PCLO: variants seen among roughly 807,000 people sequenced by gnomAD.
PCLO encodes piccolo presynaptic cytomatrix protein, also known as protein piccolo.
A neutral mutation model predicts 427.5 loss-of-function variants in PCLO; 82 were observed. The ratio of observed to expected loss-of-function variants is 0.19; its 90% CI spans 0.16 to 0.23. The LOEUF (loss-of-function observed/expected upper bound fraction) is 0.23, where lower values mean the gene tolerates loss of function less well. Among genes scored for constraint, PCLO ranks in the 10% least tolerant of loss-of-function variants. The pLI is 1.00. For synonymous variants in PCLO, 2,357 were observed against 2,155.4 expected (o/e 1.09, Z -2.59); for missense variants, 6,239 against 6,115.9 (o/e 1.02, Z -0.67).
At chr7:82,970,646 G>A (rs1419823031) in intron 3 of PCLO, among the ~76,000 whole-genome samples, 1 of 151,778 alleles carries the variant, frequency 6.6e-6, no homozygotes, top group African/African-American at 2.4e-5. Flanking sequence ...AAGTTATAAT[G>A]TCAATAAGAG....
At chr7:83,081,555 T>C (rs1449043141) in intron 3 of PCLO, among the ~76,000 whole-genome samples, 2 of 151,828 alleles carry the variant, frequency 1.3e-5, no homozygotes, top group East Asian at 1.9e-4. Flanking sequence ...TCTCACAAAT[T>C]ATCCAAAATT....
intron 10 of PCLO, among the ~76,000 whole-genome samples, chr7:82,856,555 GAT>G (rs1792811200): frequency 6.6e-6 from 1 of 152,080 alleles, no homozygotes; most frequent in African/African-American, 2.4e-5. Context: ...CAGAATAAGG[GAT>G]ATGAGTATAT....
At position 82,953,899 on chromosome 7, in the gene PCLO, T is replaced by C. The variant is rs1316544405; in HGVS notation, c.7054A>G (p.Met2352Val). The C allele has an allele frequency of 2.5e-6, 4 of 1,613,910 alleles. No individual in the cohort carries two copies. The highest frequency in any genetic ancestry group is 3.4e-6 in the Non-Finnish European group (4 of 1,179,822). ...TATGTAGTTGAAAGCTGCTCTTTCATTGGAAGGGCTATTACAGAAGAAGGT... is the reference window on the plus strand; with the variant it reads ...TATGTAGTTGAAAGCTGCTCTTTCACTGGAAGGGCTATTACAGAAGAAGGT... The part of the protein sequence containing the change: ...HPPSSVIALP[M>V]KEQLSTTYFT... The change falls in exon 5 of 25, where the codon ATG (methionine) becomes GTG (valine). Residue 2352 changes from methionine to valine, a missense_variant. Around this residue, in one of 5 missense-constraint regions of PCLO, gnomAD observed 4,677 missense variants for 4,468.4 expected, o/e 1.05. Coordinates refer to ENST00000333891, the MANE Select transcript of PCLO (RefSeq NM_033026.6).
rs531781580 is a variant in PCLO at position 82,883,627 on chromosome 7, C to T, written c.13529-4165G>A. Among the ~76,000 whole-genome samples the T allele has an allele frequency of 5.3e-5, 8 of 152,256 alleles. No individual in the cohort carries two copies. In the South Asian group the frequency reaches 1.7e-3, roughly 32 times the overall value. On this transcript the variant is annotated intron_variant, in intron 9 of 24. Transcript: ENST00000333891. ...CAGCAACATCAAAACAGAAACAGCA[C>T]ACTCATGCCAAGTTTAATCGAACTC...
intron 22 of PCLO, among the ~76,000 whole-genome samples, chr7:82,796,192 T>A (rs900732762): frequency 1.6e-4 from 24 of 152,170 alleles, no homozygotes; most frequent in African/African-American, 5.8e-4. Context: ...AGACACAGAT[T>A]TTTAAAAAAT....
intron 11 of PCLO, 34 bp downstream of exon 11, chr7:82,847,105 A>G (rs1387955372): frequency 7.9e-7 from 1 of 1,266,892 alleles, no homozygotes; most frequent in Non-Finnish European, 1.1e-6. Context: ...TGGATAGCCA[A>G]AAAATGGAAA....
intron 6 of PCLO, among the ~76,000 whole-genome samples, chr7:82,926,537 A>G (rs1794716368): frequency 6.6e-6 from 1 of 152,142 alleles, no homozygotes; most frequent in Admixed American, 6.5e-5. Flanking sequence ...AGTAATACAT[A>G]AAAAAATTCT....
intron 16 of PCLO, among the ~76,000 whole-genome samples, chr7:82,828,654 A>G (rs975433946): frequency 2.6e-5 from 4 of 152,174 alleles, no homozygotes; most frequent in Non-Finnish European, 5.9e-5. Context: ...AGAAGCTTAT[A>G]TGCTACACAT....
At chr7:82,991,424 A>C (rs1009983814) in intron 3 of PCLO, among the ~76,000 whole-genome samples, 4 of 152,130 alleles carry the variant, frequency 2.6e-5, no homozygotes, top group African/African-American at 9.7e-5. Context: ...TTTAAAATTT[A>C]ATACCATGAA....
At chr7:83,143,403 A>G (rs1049561488) in intron 2 of PCLO, among the ~76,000 whole-genome samples, 2 of 152,304 alleles carry the variant, frequency 1.3e-5, no homozygotes, top group Admixed American at 6.5e-5. Context: ...CAACTTAATA[A>G]AACAATTTTC....
At chr7:82,974,538 G>A (rs569721653) in intron 3 of PCLO, among the ~76,000 whole-genome samples, 10 of 152,142 alleles carry the variant, frequency 6.6e-5, no homozygotes, top group African/African-American at 1.7e-4. Flanking sequence ...TAACTTTAGC[G>A]GAAATATAAG....
intron 6 of PCLO, among the ~76,000 whole-genome samples, chr7:82,926,743 G>A (rs1413527664): frequency 6.6e-6 from 1 of 152,116 alleles, no homozygotes; most frequent in Non-Finnish European, 1.5e-5. Context: ...GACACTTATT[G>A]CATTATATTT....
rs763146971 is a variant in PCLO at position 83,135,107 on chromosome 7, G to A, written c.2443C>T (p.Pro815Ser). The A allele has an allele frequency of 1.9e-6, 3 of 1,613,812 alleles. No homozygotes were observed. Among genetic ancestry groups the A allele is most frequent in the Non-Finnish European group, 2.5e-6 (3 of 1,179,878 alleles). The change falls in exon 3 of 25, where the codon CCA becomes TCA. Residue 815 changes from proline (P) to serine (S), a missense_variant. Pro to Ser is a moderately conservative substitution (Grantham distance 74, BLOSUM62 -1). Coordinates refer to ENST00000333891, the MANE Select transcript of PCLO (RefSeq NM_033026.6). ...CGAGGTATGGCTTTAGAATCAAATG[G>A]GCTGACTTTTTCCCCTGTTGGTGGA... ...SFPPTGEKVS[P>S]FDSKAIPRPA... is the part of the protein sequence containing the mutation.
At chr7:82,836,407 T>C (rs879317312) in intron 15 of PCLO, among the ~76,000 whole-genome samples, 3 of 152,168 alleles carry the variant, frequency 2.0e-5, no homozygotes, top group Non-Finnish European at 4.4e-5. Flanking sequence ...TTGTTGTTGT[T>C]AGACTCTAAA....
At chr7:83,157,424 T>C (rs1374541142) in intron 1 of PCLO, among the ~76,000 whole-genome samples, 1 of 152,102 alleles carries the variant, frequency 6.6e-6, no homozygotes, top group Non-Finnish European at 1.5e-5. Context: ...CATTGATTGA[T>C]TATTAGTAAT....
chr7:83,090,953 A>C (rs1398695776), intron 3 of PCLO, among the ~76,000 whole-genome samples: 1 of 152,140 alleles, frequency 6.6e-6, no homozygotes, highest in East Asian at 1.9e-4. Flanking sequence ...AAATTTATAT[A>C]CAGTGTACTT....
intron 3 of PCLO, among the ~76,000 whole-genome samples, chr7:83,070,591 G>T (rs1051656335): frequency 1.1e-4 from 17 of 152,106 alleles, no homozygotes; most frequent in African/African-American, 4.1e-4. Flanking sequence ...GTTTCACCAT[G>T]TTAGCCAGGA....
chr7:82,823,215 G>A (rs1791840210), intron 19 of PCLO, among the ~76,000 whole-genome samples: 1 of 152,140 alleles, frequency 6.6e-6, no homozygotes, highest in Non-Finnish European at 1.5e-5. Context: ...AGATGGCTAA[G>A]TGGAACCCAT....
In PCLO at chr7:82,944,726, A is replaced by G. The variant is rs141109985; in HGVS notation, c.11112+4750T>C. Among the ~76,000 whole-genome samples, 4 of 152,320 alleles carry G rather than the reference A, an allele frequency of 2.6e-5. No individual in the cohort carries two copies. The East Asian group carries it at 7.7e-4, about 29-fold the overall frequency. ...CCAACCCATAAAGTAAAGCTCTTTA[A>G]TGATAGTTGGTGACTTTTTACTGAA... On this transcript the variant is annotated intron_variant, in intron 6 of 24. Coordinates refer to ENST00000333891, the MANE Select transcript of PCLO (RefSeq NM_033026.6).
Sources: allele counts gnomAD v4.1 joint callset (sites outside exome capture counted in the v4.1 genomes callset), GRCh38; gene constraint gnomAD v4.1.1; regional missense constraint gnomAD v4.1.1; transcripts MANE v1.5; gene names NCBI Gene and HGNC (gene_info 2026-07-23, HGNC 2026-07-21).